The following SHKBP1 variants were observed in gnomAD, a reference collection of about 807,000 sequenced individuals.
SHKBP1 encodes SH3KBP1-binding protein 1.
A neutral mutation model predicts 83.9 loss-of-function variants in SHKBP1; 71 were observed. The observed-to-expected ratio is 0.85, with a 90% CI of 0.70 to 1.03. The LOEUF (loss-of-function observed/expected upper bound fraction) is 1.03. Among genes scored for constraint, SHKBP1 ranks in the 50% least tolerant of loss-of-function variants. The probability of loss-of-function intolerance (pLI) is 0.00; values close to 1 mark genes in which losing one functional copy is unlikely to be tolerated. For synonymous variants in SHKBP1, 371 were observed against 398.0 expected, an observed-to-expected ratio of 0.93 and a Z score of 0.81; for missense variants, 824 against 982.4, an observed-to-expected ratio of 0.84 and a Z score of 2.16.
chr19:40,579,098 CATTT>C (rs57291083), intron 6 of SHKBP1, among the ~76,000 whole-genome samples: 16 of 151,742 alleles, frequency 1.1e-4, no homozygotes, highest in African/African-American at 3.6e-4. Context: ...GAAAAACAAT[CATTT>C]ATTTATTTAT....
At position 40,591,006 on chromosome 19, in the gene SHKBP1, G is replaced by A; in HGVS notation, c.1923G>A (p.Leu641=). Residue 641 remains leucine, a synonymous_variant, in exon 18 of 18, where the codon TTG becomes TTA. Transcript: ENST00000291842. ...SLHSASSNTS[L]SGHRGSPSPP... ...ACTCAGCCTCCAGCAACACCTCCTT[G>A]TCTGGCCACCGTGGGAGCCCAAGCC... 1 of 1,610,722 alleles carries A rather than the reference G, an allele frequency of 6.2e-7. No homozygotes were observed. Among genetic ancestry groups the A allele is most frequent in the Non-Finnish European group, 8.5e-7 (1 of 1,177,432 alleles).
Position 40,590,513 on chromosome 19 carries a change from G to A in SHKBP1, c.1768+91G>A. 6.9e-7 allele frequency: 1 copy of A among 1,446,230 alleles called. No homozygotes were observed. The highest frequency in any genetic ancestry group is 9.4e-7 in the Non-Finnish European group (1 of 1,066,996). The allele number at this position is 1,446,230 out of a possible 1,614,324, so 89.6% of individuals were successfully genotyped here. On this transcript the variant is annotated intron_variant, in intron 16 of 17. Transcript: ENST00000291842. The surrounding 1 kb of genome is among the most constrained non-coding windows in gnomAD (Gnocchi z 4.6). ...GCCAACTGCTTGATCTCTCTCCCAG[G>A]CCCTTGCCCTCTGACCCCTTTTCCT... is the stretch of plus-strand genomic sequence containing the variant.
intron 10 of SHKBP1, among the ~76,000 whole-genome samples, chr19:40,583,067 G>C (rs2081282843): frequency 1.3e-5 from 2 of 152,144 alleles, no homozygotes; most frequent in South Asian, 4.1e-4. Flanking sequence ...CCAGCACTTT[G>C]GGAGGCCGAG....
Position 40,580,863 on chromosome 19 carries a change from G to C in SHKBP1, c.771G>C (p.Lys257Asn). The C allele has an allele frequency of 6.2e-7, 1 of 1,612,870 alleles. No individual in the cohort carries two copies. The highest frequency in any genetic ancestry group is 1.1e-5 in the South Asian group (1 of 90,958). Residue 257 changes from lysine to asparagine, a missense_variant, in exon 9 of 18, where the codon AAG becomes AAC. Transcript: ENST00000291842. ...GTGGGGCTTTGGGTGAACATGACAA[G>C]ATGGTGGCAGCAGCCACCGGCAGCG... ...VHGGALGEHD[K>N]MVAAATGSEI...
rs753388901 is a variant in SHKBP1, at chr19:40,580,580, C to A, written c.577C>A (p.Pro193Thr). Residue 193 changes from proline (P) to threonine (T), a missense_variant, in exon 8 of 18, where the codon CCG (proline) becomes ACG (threonine). Physicochemically the swap from Pro to Thr is conservative, Grantham distance 38. Around this residue, in one of 3 missense-constraint regions of SHKBP1, gnomAD observed 355 missense variants for 386.4 expected, o/e 0.92. Transcript: ENST00000291842. ...PPSPSGQPEE[P>T]GMVRLVCGHH... Reference sequence around the variant, plus strand: ...TTCCCCTCAAGGACAACCTGAGGAGCCGGGGATGGTGCGCCTGGTGTGTGG... The same window carrying A: ...TTCCCCTCAAGGACAACCTGAGGAGACGGGGATGGTGCGCCTGGTGTGTGG... 5 of 1,614,068 alleles carry A rather than the reference C, an allele frequency of 3.1e-6. No homozygotes were observed. In the African/African-American group the frequency reaches 6.7e-5, roughly 22 times the overall value.
intron 5 of SHKBP1, 36 bp downstream of exon 5, chr19:40,578,248 T>A (rs753763403): frequency 6.3e-7 from 1 of 1,599,520 alleles, no homozygotes; most frequent in Non-Finnish European, 8.6e-7. Context: ...CCTCATTGTA[T>A]AGAAAACCAA....
rs773999670 is a variant in SHKBP1 at position 40,588,613 on chromosome 19, G to A, written c.1337-11G>A. On this transcript the variant is annotated splice_polypyrimidine_tract_variant and intron_variant, in intron 13 of 17. Coordinates refer to ENST00000291842, the MANE Select transcript of SHKBP1 (RefSeq NM_138392.4). The stretch of plus-strand genomic sequence containing the variant: ...CCAGGCCTGACTTCCTGCTCTCCTT[G>A]TGCCCCTCAGTCTGTGCCGACAACA... 6 of 1,614,124 alleles carry A rather than the reference G, an allele frequency of 3.7e-6. No individual in the cohort carries two copies. Among genetic ancestry groups the A allele is most frequent in the Non-Finnish European group, 5.1e-6 (6 of 1,180,000 alleles).
rs570790016 is a variant in SHKBP1, at chr19:40,590,923, G to C, written c.1893-53G>C. 87 of 1,572,694 alleles carry C rather than the reference G, an allele frequency of 5.5e-5. No homozygotes were observed. The East Asian group carries it at 1.9e-3, about 35-fold the overall frequency. ...GGACAGCATGGTGTTCCCGGGGACA[G>C]AGTGGCCCAGCTGCCCCGTGATGAC... On this transcript the variant is annotated intron_variant, in intron 17 of 17. Transcript: ENST00000291842. The surrounding 1 kb of genome is among the most constrained non-coding windows in gnomAD (Gnocchi z 4.6).
At chr19:40,581,057 G>A in intron 9 of SHKBP1, 121 bp downstream of exon 9, 2 of 990,576 alleles carry the variant, frequency 2.0e-6, no homozygotes. Context: ...ATCTGTTTGT[G>A]TCATTAGAAT....
chr19:40,583,351 AGGAAT>A (rs767911446), intron 10 of SHKBP1, 42 bp from the exon 11 acceptor site: 4 of 1,482,088 alleles, frequency 2.7e-6, no homozygotes, highest in Non-Finnish European at 3.7e-6. Context: ...ACGGAAGGAA[AGGAAT>A]GGAAGGGCTC....
rs563122008 is a variant in SHKBP1 at position 40,576,885 on chromosome 19, G to A, written c.-15G>A. The A allele has an allele frequency of 9.0e-6, 13 of 1,441,510 alleles. No individual in the cohort carries two copies. In the African/African-American group the frequency reaches 1.6e-4, roughly 18 times the overall value. The allele number at this position is 1,441,510 out of a possible 1,614,324, so 89.3% of individuals were successfully genotyped here. Reference sequence around the variant, plus strand: ...CCCGGAAGTGGGTGCGGGCCAGCCGGCTCGCCCGGGGGCCATGGCAGCAGC... The same window carrying A: ...CCCGGAAGTGGGTGCGGGCCAGCCGACTCGCCCGGGGGCCATGGCAGCAGC... On this transcript the variant is annotated 5_prime_UTR_variant, in exon 1 of 18. Transcript: ENST00000291842.
rs552990421 is a variant in SHKBP1, at chr19:40,586,969, T to C, written c.1336+25T>C. ...GGTGAGCCTCTGTGGGGTGCTCCAGTGCTGGGAGAGACAGCTCAGATGGGA... is the reference window on the plus strand; with the variant it reads ...GGTGAGCCTCTGTGGGGTGCTCCAGCGCTGGGAGAGACAGCTCAGATGGGA... On this transcript the variant is annotated intron_variant, in intron 13 of 17. Coordinates refer to ENST00000291842, the MANE Select transcript of SHKBP1 (RefSeq NM_138392.4). The C allele has an allele frequency of 3.2e-6, 5 of 1,568,912 alleles. No homozygotes were observed. The South Asian group carries it at 4.6e-5, about 14-fold the overall frequency.
intron 1 of SHKBP1, 105 bp downstream of exon 1, chr19:40,577,090 C>T (rs941163540): frequency 4.5e-6 from 6 of 1,328,616 alleles, no homozygotes; most frequent in East Asian, 2.4e-5. Flanking sequence ...TTGCTCCGCC[C>T]CCCCCCCCTT....
At chr19:40,578,923 G>T (rs1458381757) in intron 6 of SHKBP1, among the ~76,000 whole-genome samples, 1 of 152,098 alleles carries the variant, frequency 6.6e-6, no homozygotes, top group Non-Finnish European at 1.5e-5. Context: ...TGCCCCAGTG[G>T]TTATTGGAAC....
At position 40,576,913 on chromosome 19, in the gene SHKBP1, C is replaced by A. The variant is rs1320480240; in HGVS notation, c.14C>A (p.Ala5Asp). 10 of 1,474,522 alleles carry A rather than the reference C, an allele frequency of 6.8e-6. No individual in the cohort carries two copies. The highest frequency in any genetic ancestry group is 8.9e-6 in the Non-Finnish European group (10 of 1,117,324). 91.3% of individuals were successfully genotyped at this position (1,474,522 alleles called of 1,614,324 possible). The change falls in exon 1 of 18, where the codon GCT becomes GAT. Residue 5 changes from alanine to aspartate, a missense_variant. Ala to Asp is a moderately radical substitution (Grantham distance 126). This residue lies in a region of SHKBP1 where 355 missense variants were observed against 386.4 expected (regional missense o/e 0.92). Transcript: ENST00000291842. MAAAATAAEGVPSRG... is the reference protein window; with the variant it reads MAAADTAAEGVPSRG... ...CGCCCGGGGGCCATGGCAGCAGCGGCTACTGCAGCCGAGGGGGTCCCCAGT... is the reference window on the plus strand; with the variant it reads ...CGCCCGGGGGCCATGGCAGCAGCGGATACTGCAGCCGAGGGGGTCCCCAGT...
intron 10 of SHKBP1, among the ~76,000 whole-genome samples, chr19:40,583,114 G>T (rs2081283258): frequency 6.6e-6 from 1 of 152,150 alleles, no homozygotes; most frequent in Non-Finnish European, 1.5e-5. Context: ...TTTGACGCCA[G>T]CCTGGGAAAC....
intron 12 of SHKBP1, among the ~76,000 whole-genome samples, chr19:40,584,304 T>A (rs1160742458): frequency 1.3e-5 from 2 of 152,230 alleles, no homozygotes; most frequent in East Asian, 3.8e-4. Flanking sequence ...TAAGGCATGA[T>A]GTTCACATGT....
At chr19:40,587,556 A>G (rs867151908) in intron 13 of SHKBP1, among the ~76,000 whole-genome samples, 1 of 152,086 alleles carries the variant, frequency 6.6e-6, no homozygotes, top group Admixed American at 6.5e-5. Flanking sequence ...ATGCTACTGC[A>G]CTCCAGCCTA....
intron 5 of SHKBP1, 112 bp from the exon 6 acceptor site, chr19:40,578,350 G>T: frequency 6.8e-7 from 1 of 1,469,228 alleles, no homozygotes; most frequent in South Asian, 1.2e-5. Flanking sequence ...GGCCGGGTCT[G>T]TATTCGTACT....
Sources: allele counts gnomAD v4.1 joint callset (sites outside exome capture counted in the v4.1 genomes callset), GRCh38; gene constraint gnomAD v4.1.1; regional missense constraint gnomAD v4.1.1; non-coding constraint Gnocchi (gnomAD v3.1); transcripts MANE v1.5; gene names NCBI Gene and HGNC (gene_info 2026-07-23, HGNC 2026-07-21).